Variants in ADAMTSL1 observed in about 807,000 individuals in gnomAD.
The protein encoded by ADAMTSL1 is ADAMTS like 1.
ADAMTSL1 carries 126 observed loss-of-function variants against 201.8 expected under a neutral mutation model. The observed-to-expected ratio is 0.62, with a 90% confidence interval of 0.54 to 0.72. The LOEUF is 0.72. Among genes scored for constraint, ADAMTSL1 ranks in the 30% least tolerant of loss-of-function variants. ADAMTSL1 has a pLI of 0.00. For synonymous variants in ADAMTSL1, 1,121 were observed against 903.4 expected (o/e 1.24, Z -4.32); for missense variants, 2,679 against 2,277.8 (o/e 1.18, Z -3.59).
intron 1 of ADAMTSL1, among the ~76,000 whole-genome samples, chr9:18,091,098 C>A (rs1823998455): frequency 6.7e-6 from 1 of 148,618 alleles, no homozygotes; most frequent in East Asian, 2.0e-4. Context: ...TGTGTGTGTA[C>A]CTAACTTCAA....
chr9:18,331,041 C>T (rs187963993), intron 2 of ADAMTSL1, among the ~76,000 whole-genome samples: 45 of 152,166 alleles, frequency 3.0e-4, no homozygotes, highest in African/African-American at 4.8e-4. Context: ...GCATATTTCA[C>T]GTGTAGGTTT....
intron 1 of ADAMTSL1, among the ~76,000 whole-genome samples, chr9:18,479,116 T>C (rs369657141): frequency 1.3e-5 from 2 of 152,186 alleles, no homozygotes; most frequent in Non-Finnish European, 2.9e-5. Flanking sequence ...CTTCTTTCCA[T>C]GAGCTCAAAA....
At chr9:18,066,669 G>T (rs1329577553) in intron 1 of ADAMTSL1, among the ~76,000 whole-genome samples, 2 of 152,118 alleles carry the variant, frequency 1.3e-5, no homozygotes, top group Non-Finnish European at 2.9e-5. Context: ...AATTTAAACA[G>T]AATTTTATGA....
chr9:18,600,617 G>A (rs991409887), intron 4 of ADAMTSL1, among the ~76,000 whole-genome samples: 3 of 152,232 alleles, frequency 2.0e-5, no homozygotes, highest in South Asian at 2.1e-4. Context: ...TATCACTGGT[G>A]GGGCTCCTTC....
At chr9:18,168,174 T>G (rs1827719293) in intron 2 of ADAMTSL1, among the ~76,000 whole-genome samples, 1 of 152,092 alleles carries the variant, frequency 6.6e-6, no homozygotes, top group East Asian at 1.9e-4. Flanking sequence ...GCAGGTTTGT[T>G]ACATATGTAT....
intron 1 of ADAMTSL1, among the ~76,000 whole-genome samples, chr9:17,926,256 G>A (rs1826522252): frequency 6.6e-6 from 1 of 152,110 alleles, no homozygotes; most frequent in Admixed American, 6.6e-5. Flanking sequence ...TTATTTATTG[G>A]TATAAGATGA....
chr9:18,095,895 G>T (rs768271803), intron 1 of ADAMTSL1, among the ~76,000 whole-genome samples: 29 of 152,266 alleles, frequency 1.9e-4, no homozygotes, highest in Middle Eastern at 3.4e-3. Context: ...TACTGGGTTG[G>T]TCATTGTTTC....
intron 1 of ADAMTSL1, among the ~76,000 whole-genome samples, chr9:17,986,384 A>G (rs1034024551): frequency 2.0e-5 from 3 of 152,044 alleles, no homozygotes; most frequent in African/African-American, 7.2e-5. Flanking sequence ...GCAGAAGTCC[A>G]GGACTTTTGA....
intron 14 of ADAMTSL1, among the ~76,000 whole-genome samples, chr9:18,707,935 A>G (rs1032734232): frequency 6.6e-6 from 1 of 152,198 alleles, no homozygotes; most frequent in African/African-American, 2.4e-5. Context: ...TTCTTCCCAC[A>G]CTAAAAATAC....
chr9:18,061,086 G>T (rs1822433124), intron 1 of ADAMTSL1, among the ~76,000 whole-genome samples: 1 of 152,018 alleles, frequency 6.6e-6, no homozygotes, highest in African/African-American at 2.4e-5. Flanking sequence ...TTTATTTTTT[G>T]GTTTAGAAAA....
chr9:18,547,987 A>G (rs1445929920), intron 3 of ADAMTSL1, among the ~76,000 whole-genome samples: 4 of 152,122 alleles, frequency 2.6e-5, no homozygotes, highest in Admixed American at 6.6e-5. Context: ...AAAAATATAT[A>G]TATAATACCA....
Position 18,822,090 on chromosome 9 carries a change from G to C in ADAMTSL1, c.3935-4194G>C, listed in dbSNP as rs62549128. On this transcript the variant is annotated intron_variant, in intron 21 of 28. Transcript: ENST00000380548. ...ATGCAAACGTGGGTTCTTTTCCTTC[G>C]CTGTTTTAAGATACAAATAATACCA... Among the ~76,000 whole-genome samples the C allele has an allele frequency of 4.3e-3, 658 of 152,176 alleles. 5 individuals carry two copies. The highest frequency in any genetic ancestry group is 0.013 in the African/African-American group (550 of 41,522).
At chr9:18,709,655 C>T (rs755160277) in intron 14 of ADAMTSL1, among the ~76,000 whole-genome samples, 29 of 152,172 alleles carry the variant, frequency 1.9e-4, no homozygotes, top group African/African-American at 5.3e-4. Context: ...GAAGATCGAA[C>T]GCAAGCCTAA....
In ADAMTSL1 at chr9:18,461,892, C is replaced by T. The variant is rs994388594; in HGVS notation, c.208-42937C>T. On this transcript the variant is annotated intron_variant, in intron 2 of 29. Transcript: ENST00000680146. Reference sequence around the variant, plus strand: ...CACGCCCCCTCCACTCCCCCATTCCCTGACATCTTCCCCTTGCCGCATATA... The same window carrying T: ...CACGCCCCCTCCACTCCCCCATTCCTTGACATCTTCCCCTTGCCGCATATA... Among the ~76,000 whole-genome samples the T allele has an allele frequency of 1.8e-4, 27 of 152,136 alleles. 1 individual carries two copies.
intron 6 of ADAMTSL1, among the ~76,000 whole-genome samples, chr9:18,638,213 C>G (rs702205): frequency 0.74 from 112,645 of 151,822 alleles, 42,080 homozygotes; most frequent in East Asian, 0.93. Flanking sequence ...AGGTTTTCCA[C>G]TTGTTGATAT....
upstream of ADAMTSL1, among the ~76,000 whole-genome samples, chr9:18,470,614 G>C (rs909876816): frequency 6.6e-6 from 1 of 152,128 alleles, no homozygotes; most frequent in African/African-American, 2.4e-5. Flanking sequence ...CAGCTGACGG[G>C]CTAAGCAGAG....
At chr9:18,557,987 G>T (rs1564045551) in intron 3 of ADAMTSL1, among the ~76,000 whole-genome samples, 1 of 151,960 alleles carries the variant, frequency 6.6e-6, no homozygotes, top group African/African-American at 2.4e-5. Context: ...TGTCTTATTT[G>T]AACTCACTGC....
At chr9:18,762,950 A>G (rs1174221753) in intron 16 of ADAMTSL1, among the ~76,000 whole-genome samples, 1 of 152,158 alleles carries the variant, frequency 6.6e-6, no homozygotes, top group Non-Finnish European at 1.5e-5. Flanking sequence ...TAAAGAATAT[A>G]TACACTGCAA....
At chr9:18,004,222 A>C (rs1412004629) in intron 1 of ADAMTSL1, among the ~76,000 whole-genome samples, 1 of 152,060 alleles carries the variant, frequency 6.6e-6, no homozygotes, top group African/African-American at 2.4e-5. Flanking sequence ...TATGGAGGGA[A>C]GAAAAAATAT....
Sources: allele counts gnomAD v4.1 joint callset (sites outside exome capture counted in the v4.1 genomes callset), GRCh38; gene constraint gnomAD v4.1.1; transcripts MANE v1.5; gene names NCBI Gene and HGNC (gene_info 2026-07-23, HGNC 2026-07-21).